Variants in ARHGAP26 observed in about 807,000 individuals in gnomAD.
ARHGAP26 encodes the protein rho GTPase-activating protein 26.
A neutral mutation model predicts 104.8 loss-of-function variants in ARHGAP26; 38 were observed. The observed-to-expected ratio is 0.36, with a 90% CI of 0.28 to 0.48. The LOEUF is 0.48. Ranked by LOEUF, ARHGAP26 falls within the 20% of genes least tolerant of loss-of-function variation. ARHGAP26 has a pLI of 0.99. For synonymous variants in ARHGAP26, 341 were observed against 340.0 expected (o/e 1.00, Z -0.03); for missense variants, 704 against 947.9 (o/e 0.74, Z 3.38).
At chr5:142,787,196 T>G (rs910711062) in intron 1 of ARHGAP26, among the ~76,000 whole-genome samples, 1 of 152,212 alleles carries the variant, frequency 6.6e-6, no homozygotes, top group Non-Finnish European at 1.5e-5. Context: ...GCTTATTTTC[T>G]ACCTCTCTAA....
At chr5:142,967,084 G>A (rs1771495170) in intron 11 of ARHGAP26, among the ~76,000 whole-genome samples, 1 of 152,026 alleles carries the variant, frequency 6.6e-6, no homozygotes, top group Non-Finnish European at 1.5e-5. Context: ...AGAAGATACA[G>A]GAAAATAAAA....
rs747800376 is a variant in ARHGAP26 at position 143,014,116 on chromosome 5, A to AGTAAGTACGATGCTTGGGT, written c.1144+1_1144+19dup. 23 of 1,614,002 alleles carry AGTAAGTACGATGCTTGGGT rather than the reference A, an allele frequency of 1.4e-5. No homozygotes were observed. In the East Asian group the frequency reaches 5.1e-4, roughly 36 times the overall value. On this transcript the variant is annotated frameshift_variant and splice_region_variant. Transcript: ENST00000645722. LOFTEE classifies it high-confidence loss of function. ...GAACAAAGACAGCCAGAGTGAAGGG[A>AGTAAGTACGATGCTTGGGT]GTAAGTACGATGCTTGGGTAACCTT...
intron 20 of ARHGAP26, among the ~76,000 whole-genome samples, chr5:143,148,962 TG>T (rs1409668291): frequency 6.6e-6 from 1 of 152,176 alleles, no homozygotes; most frequent in African/African-American, 2.4e-5. Flanking sequence ...GGCTGGTAAC[TG>T]TGGGCCCCTG....
At chr5:143,132,906 A>T (rs960275428) in intron 18 of ARHGAP26, among the ~76,000 whole-genome samples, 2 of 152,222 alleles carry the variant, frequency 1.3e-5, no homozygotes, top group Middle Eastern at 3.4e-3. Flanking sequence ...TGTATCTACA[A>T]TTGTGGCTAC....
intron 11 of ARHGAP26, among the ~76,000 whole-genome samples, chr5:142,955,347 A>G (rs1357823815): frequency 6.6e-6 from 1 of 152,140 alleles, no homozygotes; most frequent in Non-Finnish European, 1.5e-5. Context: ...AACAAAGAAG[A>G]TGCATTCTGA....
intron 1 of ARHGAP26, among the ~76,000 whole-genome samples, chr5:142,832,712 CTG>C (rs1310090622): frequency 1.3e-5 from 2 of 152,134 alleles, no homozygotes; most frequent in Non-Finnish European, 2.9e-5. Flanking sequence ...GAGCAAGACA[CTG>C]TGTTGGGCAT....
chr5:142,873,965 A>G (rs1755706308), intron 2 of ARHGAP26, among the ~76,000 whole-genome samples: 1 of 152,234 alleles, frequency 6.6e-6, no homozygotes, highest in African/African-American at 2.4e-5. Context: ...CTAAAATTCC[A>G]GTTTTCCAGC....
intron 9 of ARHGAP26, among the ~76,000 whole-genome samples, chr5:142,912,023 A>G (rs1319290204): frequency 6.6e-6 from 1 of 152,210 alleles, no homozygotes; most frequent in African/African-American, 2.4e-5. Flanking sequence ...CTGTTATTTC[A>G]ACAAACTGGG....
At chr5:143,201,494 G>A (rs1023003413) in intron 20 of ARHGAP26, among the ~76,000 whole-genome samples, 1 of 152,150 alleles carries the variant, frequency 6.6e-6, no homozygotes, top group Admixed American at 6.5e-5. Flanking sequence ...TTTGTTTTGG[G>A]TTTGGTGAGG....
chr5:143,104,832 G>T (rs1793765429), intron 17 of ARHGAP26, among the ~76,000 whole-genome samples: 1 of 152,106 alleles, frequency 6.6e-6, no homozygotes, highest in Admixed American at 6.5e-5. Flanking sequence ...ATTCCAACTT[G>T]ATTTGAAATA....
At chr5:143,133,851 C>T (rs1381116754) in intron 18 of ARHGAP26, 116 bp from the exon 19 acceptor site, 27 of 1,023,452 alleles carry the variant, frequency 2.6e-5, no homozygotes, top group Non-Finnish European at 3.5e-5. Flanking sequence ...GTGGTCTTCT[C>T]GGATCTTTTC....
intron 13 of ARHGAP26, among the ~76,000 whole-genome samples, chr5:143,040,232 A>G (rs1448572032): frequency 1.3e-5 from 2 of 152,252 alleles, no homozygotes; most frequent in Non-Finnish European, 2.9e-5. Flanking sequence ...GTTTTTGACC[A>G]GGGACTCCTA....
At chr5:142,878,937 T>C (rs1030841899) in intron 3 of ARHGAP26, among the ~76,000 whole-genome samples, 5 of 152,190 alleles carry the variant, frequency 3.3e-5, no homozygotes, top group African/African-American at 1.2e-4. Context: ...AAGGTTTTTA[T>C]GCCATCAGAT....
chr5:143,217,280 G>C (rs1157333574), intron 22 of ARHGAP26, among the ~76,000 whole-genome samples: 1 of 152,162 alleles, frequency 6.6e-6, no homozygotes, highest in African/African-American at 2.4e-5. Flanking sequence ...CTCTGGAGTG[G>C]CTGCTGCTGT....
intron 17 of ARHGAP26, among the ~76,000 whole-genome samples, chr5:143,110,589 T>C (rs1794662859): frequency 6.6e-6 from 1 of 152,130 alleles, no homozygotes; most frequent in Non-Finnish European, 1.5e-5. Flanking sequence ...CTTTTAAACC[T>C]CCTCTATTTA....
At chr5:142,836,199 C>T (rs912920703) in intron 1 of ARHGAP26, among the ~76,000 whole-genome samples, 1 of 152,182 alleles carries the variant, frequency 6.6e-6, no homozygotes, top group Non-Finnish European at 1.5e-5. Context: ...ACTGGTGATG[C>T]CAAGTTGCTG....
chr5:143,053,816 C>T (rs1785381394), intron 14 of ARHGAP26, among the ~76,000 whole-genome samples: 1 of 152,076 alleles, frequency 6.6e-6, no homozygotes, highest in Non-Finnish European at 1.5e-5. Flanking sequence ...CAGCCTTGTT[C>T]ATATAAAAAG....
At chr5:143,213,279 T>A (rs34270371) in intron 21 of ARHGAP26, among the ~76,000 whole-genome samples, 17 of 151,992 alleles carry the variant, frequency 1.1e-4, no homozygotes, top group African/African-American at 2.2e-4. Flanking sequence ...TCAACGGACA[T>A]GAGAAAAGCA....
intron 11 of ARHGAP26, among the ~76,000 whole-genome samples, chr5:143,005,405 G>A (rs982565901): frequency 1.1e-4 from 17 of 152,206 alleles, no homozygotes; most frequent in African/African-American, 3.9e-4. Flanking sequence ...GAGTGTCATC[G>A]GCTGAGTTTG....
Sources: gnomAD v4.1 joint callset for allele counts (sites outside exome capture counted in the v4.1 genomes callset) on GRCh38, gnomAD v4.1.1 for gene constraint, MANE v1.5 for transcripts, NCBI Gene and HGNC (gene_info 2026-07-23, HGNC 2026-07-21) for gene names.